Variants in CLVS2 observed in about 807,000 individuals in gnomAD.
CLVS2 encodes the protein clavesin-2.
In CLVS2, 19 loss-of-function variants were observed where a neutral mutation model predicts 29.0. The observed-to-expected ratio is 0.66, with a 90% CI of 0.46 to 0.96. The LOEUF is 0.96. Among genes scored for constraint, CLVS2 ranks in the 40% least tolerant of loss-of-function variants. The pLI, the probability that CLVS2 is intolerant of heterozygous loss-of-function variation, is 0.00. For synonymous variants in CLVS2, 161 were observed against 151.3 expected (o/e 1.06, Z -0.47); for missense variants, 294 against 404.1 (o/e 0.73, Z 2.34).
intron 3 of CLVS2, among the ~76,000 whole-genome samples, chr6:123,025,213 C>T (rs1284881114): frequency 6.6e-6 from 1 of 152,000 alleles, no homozygotes; most frequent in Non-Finnish European, 1.5e-5. Context: ...CATCAATATC[C>T]GGGGACCTGG....
chr6:123,049,286 G>T (rs1387518847), intron 4 of CLVS2, among the ~76,000 whole-genome samples: 1 of 152,018 alleles, frequency 6.6e-6, no homozygotes, highest in Non-Finnish European at 1.5e-5. Context: ...TAACAATGAG[G>T]ATAGTCAAAG....
At chr6:123,063,476 AT>A (rs1171692487) in intron 5 of CLVS2, among the ~76,000 whole-genome samples, 197 bp from the exon 6 acceptor site, 4 of 152,032 alleles carry the variant, frequency 2.6e-5, no homozygotes, top group Admixed American at 6.6e-5. Flanking sequence ...GCCAGAGGGG[AT>A]TTTTTTCCTC....
In CLVS2 at chr6:123,070,608, G is replaced by A. The variant is rs1413563691; in HGVS notation, c.*6847G>A. On this transcript the variant is annotated 3_prime_UTR_variant, in exon 6 of 6. Coordinates refer to ENST00000275162, the MANE Select transcript of CLVS2 (RefSeq NM_001010852.4). ...TAAAAGCCGATGTCTTTATATCAGT[G>A]TATGAGAAGTCTTGATATGAAGGCA... 6.6e-6 allele frequency: 1 copy of A among 151,934 alleles called. No individual in the cohort carries two copies. The highest frequency in any genetic ancestry group is 2.4e-5 in the African/African-American group (1 of 41,408). 9.4% of individuals were successfully genotyped at this position (151,934 alleles called of 1,614,324 possible).
chr6:123,047,702 C>A (rs1346761348), intron 3 of CLVS2, among the ~76,000 whole-genome samples: 1 of 151,626 alleles, frequency 6.6e-6, no homozygotes, highest in Middle Eastern at 3.5e-3. Flanking sequence ...CAGAAGAATG[C>A]CGAGTATTAT....
Position 123,063,820 on chromosome 6 carries a change from G to T in CLVS2, c.*59G>T. ...TGGAAAGTATTGGTTTTCAGCAACA[G>T]GGACAACACTGTAGAGGAATTACCA... On this transcript the variant is annotated 3_prime_UTR_variant, in exon 6 of 6. Coordinates refer to ENST00000275162, the MANE Select transcript of CLVS2 (RefSeq NM_001010852.4). 8.8e-7 allele frequency: 1 copy of T among 1,131,536 alleles called. No homozygotes were observed. The highest frequency in any genetic ancestry group is 2.4e-5 in the East Asian group (1 of 42,072). 70.1% of individuals were successfully genotyped at this position (1,131,536 alleles called of 1,614,324 possible). A position where few individuals can be genotyped will look rare whatever the true frequency, so the allele number is the denominator to read the frequency against.
At chr6:123,012,800 A>G (rs1774769196) in intron 3 of CLVS2, among the ~76,000 whole-genome samples, 2 of 151,976 alleles carry the variant, frequency 1.3e-5, no homozygotes, top group Non-Finnish European at 2.9e-5. Flanking sequence ...CCCCAAAAAT[A>G]TCTCAGCCCC....
intron 3 of CLVS2, among the ~76,000 whole-genome samples, chr6:123,016,022 T>TC (rs569950062): frequency 0.034 from 213 of 6,282 alleles, no homozygotes; most frequent in African/African-American, 0.074. Context: ...AACATCAGAC[T>TC]TTTTTTTTTT....
rs548752386 is a variant in CLVS2 at position 123,067,152 on chromosome 6, C to T, written c.*3391C>T. ...TAAGCAGGAAAGCCAAAAATTCATA[C>T]ATTAATACTTAGCTTTTTTAATACT... On this transcript the variant is annotated 3_prime_UTR_variant, in exon 6 of 6. Coordinates refer to ENST00000275162, the MANE Select transcript of CLVS2 (RefSeq NM_001010852.4). The T allele has an allele frequency of 6.6e-5, 10 of 151,824 alleles. No individual in the cohort carries two copies. The highest frequency in any genetic ancestry group is 5.9e-4 in the Admixed American group (9 of 15,176). 9.4% of individuals were successfully genotyped at this position (151,824 alleles called of 1,614,324 possible).
Position 123,065,800 on chromosome 6 carries a change from G to GTGTA in CLVS2, c.*2040_*2043dup, listed in dbSNP as rs1256312318. 1 of 151,794 alleles carries GTGTA rather than the reference G, an allele frequency of 6.6e-6. No homozygotes were observed. Among genetic ancestry groups the GTGTA allele is most frequent in the Non-Finnish European group, 1.5e-5 (1 of 67,772 alleles). The allele number at this position is 151,794 out of a possible 1,614,324, so 9.4% of individuals were successfully genotyped here. On this transcript the variant is annotated 3_prime_UTR_variant, in exon 6 of 6. Transcript: ENST00000275162. Reference sequence around the variant, plus strand: ...TTCATTCTCATGAGTTTCTCTTGATGTGTACCATTTATTGCCAGTTTTCAG... The same window carrying GTGTA: ...TTCATTCTCATGAGTTTCTCTTGATGTGTATGTACCATTTATTGCCAGTTTTCAG...
At position 123,025,295 on chromosome 6, in the gene CLVS2, TG is replaced by T. The variant is rs543099801; in HGVS notation, c.564+14138del. On this transcript the variant is annotated intron_variant, in intron 3 of 5. Coordinates refer to ENST00000275162, the MANE Select transcript of CLVS2 (RefSeq NM_001010852.4). ...GAATAGGTGCAAAAAAATGAATAAATGGAGTTTTAGCTGTGATCTGATTCAC... is the reference window on the plus strand; with the variant it reads ...GAATAGGTGCAAAAAAATGAATAAATGAGTTTTAGCTGTGATCTGATTCAC... Among the ~76,000 whole-genome samples the T allele has an allele frequency of 2.1e-3, 316 of 152,136 alleles. 1 individual carries two copies. Among genetic ancestry groups the T allele is most frequent in the African/African-American group, 7.0e-3 (290 of 41,512 alleles).
At chr6:123,045,595 T>C (rs540869645) in intron 3 of CLVS2, among the ~76,000 whole-genome samples, 114 of 152,330 alleles carry the variant, frequency 7.5e-4, no homozygotes, top group African/African-American at 2.6e-3. Flanking sequence ...GTACATCTCA[T>C]TGGCAGAACT....
At chr6:123,011,551 A>G (rs1774747442) in intron 3 of CLVS2, among the ~76,000 whole-genome samples, 1 of 152,018 alleles carries the variant, frequency 6.6e-6, no homozygotes, top group South Asian at 2.1e-4. Context: ...GGATATGATC[A>G]GCAATATGTT....
rs181825777 is a variant in CLVS2 at position 123,049,008 on chromosome 6, A to C, written c.675+276A>C. On this transcript the variant is annotated intron_variant, in intron 4 of 5. Coordinates refer to ENST00000275162, the MANE Select transcript of CLVS2 (RefSeq NM_001010852.4). ...AGACTCAATTTAAAGGCCAAAAAAA[A>C]CTCTTATGCCATGTTACTATAGTGT... Among the ~76,000 whole-genome samples the C allele has an allele frequency of 4.3e-4, 65 of 152,186 alleles. No homozygotes were observed. In the East Asian group the frequency reaches 7.7e-3, roughly 18 times the overall value.
chr6:123,048,765 T>C (rs6900862), intron 4 of CLVS2, 33 bp downstream of exon 4: 1,188,395 of 1,340,016 alleles, frequency 0.89, 528,313 homozygotes, highest in East Asian at 1. Flanking sequence ...ATCCTTTCTC[T>C]TCCGCCATCC....
In CLVS2 at chr6:123,068,796, A is replaced by C. The variant is rs1356948048; in HGVS notation, c.*5035A>C. The C allele has an allele frequency of 6.7e-6, 1 of 149,688 alleles. No individual in the cohort carries two copies. Among genetic ancestry groups the C allele is most frequent in the African/African-American group, 2.4e-5 (1 of 41,314 alleles). 9.3% of individuals were successfully genotyped at this position (149,688 alleles called of 1,614,324 possible). On this transcript the variant is annotated 3_prime_UTR_variant, in exon 6 of 6. Transcript: ENST00000275162. ...TATTTGGCCTTTTGAAGGAGTTATA[A>C]ATTCCAAAACACTATAATATAATTT...
In CLVS2 at chr6:123,064,764, A is replaced by G. The variant is rs1291432217; in HGVS notation, c.*1003A>G. On this transcript the variant is annotated 3_prime_UTR_variant, in exon 6 of 6. Coordinates refer to ENST00000275162, the MANE Select transcript of CLVS2 (RefSeq NM_001010852.4). ...TTATAAAATAAATCATAGATATTCA[A>G]TGATCTTATGGATAATTACATGAGA... 1.3e-5 allele frequency: 2 copies of G among 151,860 alleles called. No individual in the cohort carries two copies. Among genetic ancestry groups the G allele is most frequent in the Admixed American group, 6.6e-5 (1 of 15,194 alleles). 9.4% of individuals were successfully genotyped at this position (151,860 alleles called of 1,614,324 possible).
rs1396470888 is a variant in CLVS2, at chr6:123,068,810, A to G, written c.*5049A>G. Reference sequence around the variant, plus strand: ...AAGGAGTTATAAATTCCAAAACACTATAATATAATTTTTGGACAAGTATAC... The same window carrying G: ...AAGGAGTTATAAATTCCAAAACACTGTAATATAATTTTTGGACAAGTATAC... On this transcript the variant is annotated 3_prime_UTR_variant, in exon 6 of 6. Coordinates refer to ENST00000275162, the MANE Select transcript of CLVS2 (RefSeq NM_001010852.4). The G allele has an allele frequency of 6.7e-6, 1 of 148,488 alleles. No homozygotes were observed. Among genetic ancestry groups the G allele is most frequent in the African/African-American group, 2.4e-5 (1 of 41,244 alleles). The allele number at this position is 148,488 out of a possible 1,614,324, so 9.2% of individuals were successfully genotyped here.
chr6:123,010,794 T>C (rs1385022801), intron 2 of CLVS2, among the ~76,000 whole-genome samples, 191 bp from the exon 3 acceptor site: 2 of 152,078 alleles, frequency 1.3e-5, no homozygotes, highest in African/African-American at 4.8e-5. Flanking sequence ...GCAGAATACA[T>C]GTTAAATTCG....
At chr6:123,002,797 T>C (rs374450131) in intron 2 of CLVS2, among the ~76,000 whole-genome samples, 1 of 152,180 alleles carries the variant, frequency 6.6e-6, no homozygotes, top group East Asian at 1.9e-4. Flanking sequence ...TTGCTTCACA[T>C]TGTCATACCT....
Sources: allele counts gnomAD v4.1 joint callset (sites outside exome capture counted in the v4.1 genomes callset), GRCh38; gene constraint gnomAD v4.1.1; transcripts MANE v1.5; gene names NCBI Gene and HGNC (gene_info 2026-07-23, HGNC 2026-07-21).